The following FSCN2 variants were observed in gnomAD, a reference collection of about 807,000 sequenced individuals.
FSCN2 encodes the protein fascin-2.
In FSCN2, 46 loss-of-function variants were observed where a neutral mutation model predicts 37.8. The observed-to-expected ratio is 1.22, with a 90% CI of 0.96 to 1.56. FSCN2 has a LOEUF of 1.56. FSCN2 is among the 40% of genes most tolerant of loss of function. The pLI is 0.00. For missense variants in FSCN2, 844 were observed against 730.4 expected, an observed-to-expected ratio of 1.16 and a Z score of -1.79; for synonymous variants, 351 against 309.4, an observed-to-expected ratio of 1.13 and a Z score of -1.41.
chr17:81,515,617 C>T, the FSCN2 span, among the ~76,000 whole-genome samples: 2 of 152,230 alleles, frequency 1.3e-5, no homozygotes, highest in South Asian at 2.1e-4. Context: ...GCGCCCTCCA[C>T]GGCCTGCACT....
intron 1 of FSCN2, 108 bp downstream of exon 1, chr17:81,529,465 C>T (rs1026367871): frequency 1.6e-5 from 15 of 927,878 alleles, no homozygotes; most frequent in Non-Finnish European, 2.4e-5. Flanking sequence ...TGTGCGTTCA[C>T]ATGTCTGTTC....
the FSCN2 span, among the ~76,000 whole-genome samples, chr17:81,521,130 C>T: frequency 2.0e-5 from 3 of 152,176 alleles, no homozygotes; most frequent in South Asian, 4.1e-4. Flanking sequence ...TGCAATGGTG[C>T]GATCTTGGCC....
chr17:81,536,754 A>G lies in FSCN2; in HGVS notation c.1238A>G (p.His413Arg). 6.2e-7 allele frequency: 1 copy of G among 1,607,190 alleles called. No homozygotes were observed. Among genetic ancestry groups the G allele is most frequent in the Non-Finnish European group, 8.5e-7 (1 of 1,177,182 alleles). The change falls in exon 4 of 5, where the codon CAC becomes CGC. Residue 413 changes from histidine to arginine, a missense_variant. Coordinates refer to ENST00000417245, the MANE Select transcript of FSCN2 (RefSeq NM_012418.4). ...AACCGCTCCGTCTACGACGTCTTCC[A>G]CCTGAGCTTCAGCGACGGCGCCTAC... is the stretch of plus-strand genomic sequence containing the variant. ...DTNRSVYDVF[H>R]LSFSDGAYRI...
chr17:81,528,062 T>TGGGCCGGGCC (rs372655621), upstream of FSCN2, among the ~76,000 whole-genome samples: 3 of 147,096 alleles, frequency 2.0e-5, no homozygotes, highest in African/African-American at 7.6e-5. Flanking sequence ...CCGGAAGGGC[T>TGGGCCGGGCC]GGGCCGGGCC....
upstream of FSCN2, among the ~76,000 whole-genome samples, chr17:81,525,518 C>T (rs1217219953): frequency 1.3e-5 from 2 of 150,036 alleles, no homozygotes; most frequent in Admixed American, 1.3e-4. Context: ...GTCAGGAGTT[C>T]GAGACCAGTC....
At position 81,536,772 on chromosome 17, in the gene FSCN2, G is replaced by A. The variant is rs926294634; in HGVS notation, c.1256G>A (p.Gly419Asp). Reference protein sequence around the residue: ...YDVFHLSFSDGAYRIRGRDGG... With the variant: ...YDVFHLSFSDDAYRIRGRDGG... ...GTCTTCCACCTGAGCTTCAGCGACG[G>A]CGCCTACCGGATCCGAGGTGCGTGG... The change falls in exon 4 of 5, where the codon GGC (glycine) becomes GAC (aspartate). Residue 419 changes from glycine to aspartate, a missense_variant. By Grantham distance (94) the Gly-to-Asp change is moderately conservative. Transcript: ENST00000417245. The A allele has an allele frequency of 2.3e-5, 37 of 1,602,842 alleles. No individual in the cohort carries two copies. The highest frequency in any genetic ancestry group is 3.1e-5 in the Non-Finnish European group (36 of 1,174,586).
intron 1 of FSCN2, among the ~76,000 whole-genome samples, chr17:81,531,859 TGATGGC>T (rs2032645317): frequency 7.0e-6 from 1 of 143,248 alleles, no homozygotes; most frequent in South Asian, 2.2e-4. Context: ...GTGATGGTGG[TGATGGC>T]GATGATGGTG....
the FSCN2 span, among the ~76,000 whole-genome samples, chr17:81,521,085 G>A: frequency 6.7e-6 from 1 of 149,770 alleles, no homozygotes; most frequent in African/African-American, 2.5e-5. Flanking sequence ...TTCTTTTTTT[G>A]AGACAGAGTT....
chr17:81,523,061 C>T, the FSCN2 span, among the ~76,000 whole-genome samples: 1 of 152,214 alleles, frequency 6.6e-6, no homozygotes, highest in East Asian at 1.9e-4. Context: ...TCCTCCCCTC[C>T]CCTTCCAGGC....
chr17:81,536,658 G>C lies in FSCN2; in HGVS notation c.1142G>C (p.Arg381Pro). 6.2e-7 allele frequency: 1 copy of C among 1,611,018 alleles called. No homozygotes were observed. The highest frequency in any genetic ancestry group is 1.1e-5 in the South Asian group (1 of 90,934). Residue 381 changes from arginine to proline, a missense_variant, in exon 4 of 5, where the codon CGG (arginine) becomes CCG (proline). By Grantham distance (103) the Arg-to-Pro change is moderately radical (BLOSUM62 -2). Coordinates refer to ENST00000417245, the MANE Select transcript of FSCN2 (RefSeq NM_012418.4). ...GAGTTCACCCTCAAGCTCATCAACC[G>C]GCCCATCCTGGTGCTGCGCGGCCTG... ...DEEFTLKLINRPILVLRGLDG... is the reference protein window; with the variant it reads ...DEEFTLKLINPPILVLRGLDG...
chr17:81,535,303 TCCCCACCAC>T (rs1276951143), intron 2 of FSCN2, 95 bp downstream of exon 2: 7 of 603,256 alleles, frequency 1.2e-5, no homozygotes, highest in East Asian at 6.3e-5. Context: ...CCCATCTCCA[TCCCCACCAC>T]CCCCACCCCC....
At chr17:81,528,132 G>T (rs1336831713), upstream of FSCN2, among the ~76,000 whole-genome samples, 1 of 152,192 alleles carries the variant, frequency 6.6e-6, no homozygotes, top group Non-Finnish European at 1.5e-5. Flanking sequence ...GCCAAAAGGT[G>T]CAGGGCCGTG....
At chr17:81,519,797 T>C in the FSCN2 span, among the ~76,000 whole-genome samples, 2 of 152,070 alleles carry the variant, frequency 1.3e-5, no homozygotes, top group African/African-American at 2.4e-5. Context: ...ACGCTAGATG[T>C]CCGGGGTCCC....
chr17:81,529,768 A>G (rs1300567086), intron 1 of FSCN2: 4 of 416,924 alleles, frequency 9.6e-6, no homozygotes, highest in Non-Finnish European at 1.9e-5. Flanking sequence ...TGGGGGGTCC[A>G]TATCTCCCCT....
intron 1 of FSCN2, among the ~76,000 whole-genome samples, chr17:81,531,675 ATGATGATGG>A (rs1465529724): frequency 4.0e-4 from 40 of 98,890 alleles, no homozygotes; most frequent in East Asian, 9.5e-4. Flanking sequence ...GATGATGGTG[ATGATGATGG>A]TGATGATGGT....
In FSCN2 at chr17:81,528,679, CCCGACCCAGGACAAGGCACGG is replaced by C; in HGVS notation, c.150_170del (p.Asp51_Ala57del). On this transcript the variant is annotated inframe_deletion, in exon 1 of 5. Transcript: ENST00000417245. Reference sequence around the variant, plus strand: ...GAGGAAGCAGACCTGGGTGCTGGAACCCGACCCAGGACAAGGCACGGCTGTGCTGCTCCGCAGCAGCCACCT... The same window carrying C: ...GAGGAAGCAGACCTGGGTGCTGGAACCTGTGCTGCTCCGCAGCAGCCACCT... The C allele has an allele frequency of 6.2e-7, 1 of 1,601,624 alleles. No individual in the cohort carries two copies. Among genetic ancestry groups the C allele is most frequent in the Non-Finnish European group, 8.5e-7 (1 of 1,174,956 alleles).
chr17:81,522,439 C>A, the FSCN2 span, among the ~76,000 whole-genome samples: 21 of 152,194 alleles, frequency 1.4e-4, no homozygotes, highest in African/African-American at 5.1e-4. Flanking sequence ...TGGGTGACAC[C>A]ACGATGGTGA....
chr17:81,531,351 A>G (rs200784131), intron 1 of FSCN2, among the ~76,000 whole-genome samples: 52 of 17,904 alleles, frequency 2.9e-3, no homozygotes, highest in African/African-American at 7.4e-3. Flanking sequence ...GGTGGTGATG[A>G]TGGTGATGGT....
intron 1 of FSCN2, among the ~76,000 whole-genome samples, chr17:81,532,437 G>GTAA (rs2032712336): frequency 8.7e-6 from 1 of 114,816 alleles, no homozygotes; most frequent in Admixed American, 8.1e-5. Context: ...GATGATAATG[G>GTAA]TGATGATGAT....
Sources: gnomAD v4.1 joint callset for allele counts (sites outside exome capture counted in the v4.1 genomes callset) on GRCh38, gnomAD v4.1.1 for gene constraint, MANE v1.5 for transcripts, NCBI Gene and HGNC (gene_info 2026-07-23, HGNC 2026-07-21) for gene names.